MGAT4C: variants seen among roughly 807,000 people sequenced by gnomAD.
MGAT4C encodes MGAT4 family member C.
In MGAT4C, 19 loss-of-function variants were observed where a neutral mutation model predicts 40.1. The observed-to-expected ratio is 0.47, with a 90% CI of 0.33 to 0.70. The LOEUF is 0.70. MGAT4C is among the 30% of genes least tolerant of loss of function. The pLI, the probability that MGAT4C is intolerant of heterozygous loss-of-function variation, is 0.02. For missense variants in MGAT4C, 491 were observed against 563.2 expected, an observed-to-expected ratio of 0.87 and a Z score of 1.30; for synonymous variants, 181 against 187.1, an observed-to-expected ratio of 0.97 and a Z score of 0.27.
intron 1 of MGAT4C, among the ~76,000 whole-genome samples, chr12:86,762,813 G>T (rs1173208009): frequency 6.6e-6 from 1 of 152,120 alleles, no homozygotes; most frequent in African/African-American, 2.4e-5. Flanking sequence ...GCAGTAGCAG[G>T]TTCAAAACAG....
At chr12:86,264,059 G>A (rs1045511616) in intron 4 of MGAT4C, among the ~76,000 whole-genome samples, 1 of 152,050 alleles carries the variant, frequency 6.6e-6, no homozygotes, top group Non-Finnish European at 1.5e-5. Flanking sequence ...GGTTATTTGA[G>A]TTCTTTCTAC....
chr12:86,524,369 G>T (rs901549708), intron 2 of MGAT4C, among the ~76,000 whole-genome samples: 2 of 152,130 alleles, frequency 1.3e-5, no homozygotes, highest in African/African-American at 4.8e-5. Context: ...GGCCAGATAT[G>T]AAATTCTGGG....
chr12:86,050,411 C>G (rs1001333636), intron 1 of MGAT4C, among the ~76,000 whole-genome samples: 4 of 152,048 alleles, frequency 2.6e-5, no homozygotes, highest in African/African-American at 9.6e-5. Context: ...TTTCTTTAAG[C>G]AAAGGTAGTT....
intron 2 of MGAT4C, among the ~76,000 whole-genome samples, chr12:86,600,576 CT>C (rs1961730135): frequency 6.6e-6 from 1 of 152,192 alleles, no homozygotes; most frequent in African/African-American, 2.4e-5. Flanking sequence ...AGACTGGGCT[CT>C]TAGCCAGCAC....
intron 3 of MGAT4C, among the ~76,000 whole-genome samples, chr12:86,366,590 G>T (rs1955601690): frequency 6.6e-6 from 1 of 152,122 alleles, no homozygotes; most frequent in Non-Finnish European, 1.5e-5. Context: ...GTGGAAGGGG[G>T]CAAGGATTGA....
chr12:86,108,468 A>G (rs1199782179), intron 1 of MGAT4C, among the ~76,000 whole-genome samples: 2 of 152,092 alleles, frequency 1.3e-5, no homozygotes, highest in African/African-American at 4.8e-5. Context: ...AATAAACAGT[A>G]TTAAAATGAT....
intron 1 of MGAT4C, among the ~76,000 whole-genome samples, chr12:86,073,460 G>A (rs1306171757): frequency 6.6e-6 from 1 of 152,182 alleles, no homozygotes; most frequent in South Asian, 2.1e-4. Flanking sequence ...GGAACAGTTT[G>A]GAGAGCCCAG....
chr12:86,405,255 A>C lies in MGAT4C; in HGVS notation c.-120+29902T>G, dbSNP rs564716015. ...TGTTTATCTACGTAAAATAATCCCA[A>C]GGAATCTAAAAAATGTTCCTAGAAC... On this transcript the variant is annotated intron_variant, in intron 3 of 7. Coordinates refer to the MGAT4C transcript ENST00000548651. 3.9e-5 allele frequency among the ~76,000 whole-genome samples: 6 copies of C among 152,178 alleles called. 1 individual carries two copies. Among genetic ancestry groups the C allele is most frequent in the African/African-American group, 1.4e-4 (6 of 41,570 alleles).
At chr12:86,665,533 T>G (rs1451358171) in intron 2 of MGAT4C, among the ~76,000 whole-genome samples, 4 of 152,022 alleles carry the variant, frequency 2.6e-5, no homozygotes, top group African/African-American at 9.7e-5. Flanking sequence ...CCCGCCACCA[T>G]GCCCAGCTAA....
At chr12:86,059,492 G>A (rs960909449) in intron 1 of MGAT4C, among the ~76,000 whole-genome samples, 5 of 152,038 alleles carry the variant, frequency 3.3e-5, no homozygotes, top group African/African-American at 7.3e-5. Flanking sequence ...CAGTGTTTCC[G>A]GTTTCCTTTC....
chr12:86,802,654 C>T (rs374287509), intron 1 of MGAT4C, among the ~76,000 whole-genome samples: 8 of 150,848 alleles, frequency 5.3e-5, no homozygotes, highest in East Asian at 2.0e-4. Flanking sequence ...TGAGTGAACT[C>T]CCATTCACAA....
chr12:86,560,142 C>T (rs1439645284), intron 2 of MGAT4C, among the ~76,000 whole-genome samples: 1 of 151,884 alleles, frequency 6.6e-6, no homozygotes, highest in African/African-American at 2.4e-5. Flanking sequence ...TAAATTACAA[C>T]ATTGACAACA....
chr12:86,091,320 T>C (rs1014305816), intron 1 of MGAT4C, among the ~76,000 whole-genome samples: 1 of 152,034 alleles, frequency 6.6e-6, no homozygotes, highest in Admixed American at 6.6e-5. Flanking sequence ...ATAACATGAA[T>C]ATTGTGATGG....
At chr12:86,651,976 T>C (rs543801952) in intron 2 of MGAT4C, among the ~76,000 whole-genome samples, 15 of 152,018 alleles carry the variant, frequency 9.9e-5, no homozygotes, top group African/African-American at 3.1e-4. Context: ...CATCTGAAGA[T>C]ATGCTTTTTA....
At chr12:86,646,306 C>G (rs1963542712) in intron 2 of MGAT4C, among the ~76,000 whole-genome samples, 1 of 151,644 alleles carries the variant, frequency 6.6e-6, no homozygotes, top group South Asian at 2.1e-4. Context: ...TTCATATTGC[C>G]AAGCATAAAA....
At chr12:86,830,153 T>C (rs1179005322) in intron 1 of MGAT4C, among the ~76,000 whole-genome samples, 1 of 151,616 alleles carries the variant, frequency 6.6e-6, no homozygotes, top group Non-Finnish European at 1.5e-5. Flanking sequence ...AGCTTGAGCC[T>C]GAGTCTCACT....
chr12:86,737,871 A>G lies in MGAT4C; in HGVS notation c.-261-10630T>C, dbSNP rs534866767. On this transcript the variant is annotated intron_variant, in intron 1 of 7. Coordinates refer to the MGAT4C transcript ENST00000548651. ...TCTCAGCAATTCTTGCTTGCACACT[A>G]GTCCAAGTCTCTTACCTAAATTTTA... 6.6e-5 allele frequency among the ~76,000 whole-genome samples: 10 copies of G among 151,604 alleles called. No homozygotes were observed. In the South Asian group the frequency reaches 1.5e-3, roughly 22 times the overall value.
chr12:86,563,729 T>A (rs1190312832), intron 2 of MGAT4C, among the ~76,000 whole-genome samples: 4 of 152,160 alleles, frequency 2.6e-5, no homozygotes, highest in African/African-American at 9.7e-5. Flanking sequence ...TGGCTCTAAG[T>A]TATTGACTCC....
chr12:86,082,399 G>A (rs1870997613), intron 1 of MGAT4C, among the ~76,000 whole-genome samples: 2 of 152,146 alleles, frequency 1.3e-5, no homozygotes, highest in South Asian at 4.1e-4. Flanking sequence ...TGGAAATAAG[G>A]TAAAGGTTTA....
Sources: allele counts gnomAD v4.1 joint callset (sites outside exome capture counted in the v4.1 genomes callset), GRCh38; gene constraint gnomAD v4.1.1; transcripts MANE v1.5; gene names NCBI Gene and HGNC (gene_info 2026-07-23, HGNC 2026-07-21).